CNTNAP2: variants seen among roughly 807,000 people sequenced by gnomAD.
The protein encoded by CNTNAP2 is contactin-associated protein-like 2.
CNTNAP2 carries 98 observed loss-of-function variants against 155.2 expected under a neutral mutation model. The observed-to-expected ratio is 0.63, with a 90% CI of 0.54 to 0.75. The LOEUF (loss-of-function observed/expected upper bound fraction) is 0.75. Ranked by LOEUF, CNTNAP2 falls within the 30% of genes least tolerant of loss-of-function variation. CNTNAP2 has a pLI of 0.00. For missense variants in CNTNAP2, 1,727 were observed against 1,688.1 expected, an observed-to-expected ratio of 1.02 and a Z score of -0.40; for synonymous variants, 651 against 631.2, an observed-to-expected ratio of 1.03 and a Z score of -0.47.
At chr7:148,406,556 T>C (rs1799708113) in intron 22 of CNTNAP2, among the ~76,000 whole-genome samples, 1 of 152,156 alleles carries the variant, frequency 6.6e-6, no homozygotes, top group Admixed American at 6.6e-5. Flanking sequence ...AAAGGCAGGG[T>C]AGAGAAGATT....
chr7:147,643,000 G>T (rs536945701), intron 13 of CNTNAP2, among the ~76,000 whole-genome samples: 6 of 152,268 alleles, frequency 3.9e-5, no homozygotes, highest in Admixed American at 3.3e-4. Context: ...TTTTTAGGTT[G>T]CTTGTCAAAA....
intron 8 of CNTNAP2, among the ~76,000 whole-genome samples, chr7:147,220,510 C>A (rs908526963): frequency 6.6e-6 from 1 of 152,036 alleles, no homozygotes; most frequent in African/African-American, 2.4e-5. Context: ...TAATATCTAC[C>A]AGCATACCAA....
At chr7:146,546,336 A>G (rs1798028867) in intron 1 of CNTNAP2, among the ~76,000 whole-genome samples, 2 of 152,016 alleles carry the variant, frequency 1.3e-5, no homozygotes, top group Non-Finnish European at 2.9e-5. Flanking sequence ...GTTTTCTAGA[A>G]TGCAAAGATT....
intron 10 of CNTNAP2, among the ~76,000 whole-genome samples, chr7:147,409,987 C>A (rs1797076300): frequency 6.6e-6 from 1 of 152,192 alleles, no homozygotes; most frequent in African/African-American, 2.4e-5. Flanking sequence ...TTGTGGAATA[C>A]AATGTGGTAA....
intron 1 of CNTNAP2, among the ~76,000 whole-genome samples, chr7:146,403,314 A>G (rs945042042): frequency 1.4e-4 from 22 of 152,156 alleles, no homozygotes; most frequent in African/African-American, 5.3e-4. Context: ...CATAATTATA[A>G]CTTAGACTAA....
At chr7:146,679,521 A>G (rs1444832578) in intron 1 of CNTNAP2, among the ~76,000 whole-genome samples, 1 of 151,634 alleles carries the variant, frequency 6.6e-6, no homozygotes, top group African/African-American at 2.4e-5. Flanking sequence ...ACGCCCAGCT[A>G]ATTTTTTGTA....
intron 11 of CNTNAP2, among the ~76,000 whole-genome samples, chr7:147,560,168 CAAAAAAAAAA>C (rs71183016): frequency 1.9e-5 from 1 of 52,828 alleles, no homozygotes; most frequent in Non-Finnish European, 3.4e-5. Flanking sequence ...AACTCCGTCT[CAAAAAAAAAA>C]AAAAAAAAAA....
At chr7:147,116,952 G>A (rs1220545982) in intron 5 of CNTNAP2, among the ~76,000 whole-genome samples, 1 of 152,230 alleles carries the variant, frequency 6.6e-6, no homozygotes, top group Non-Finnish European at 1.5e-5. Context: ...CGACCAAATA[G>A]CAGAGATGGT....
intron 13 of CNTNAP2, among the ~76,000 whole-genome samples, chr7:147,797,865 A>G (rs1339297731): frequency 6.6e-6 from 1 of 152,232 alleles, no homozygotes. Context: ...TAAAACAAAT[A>G]GATTAAAAAT....
At chr7:147,736,580 T>C (rs1208573933) in intron 13 of CNTNAP2, among the ~76,000 whole-genome samples, 4 of 152,228 alleles carry the variant, frequency 2.6e-5, no homozygotes, top group Admixed American at 1.3e-4. Flanking sequence ...CTTTGCTAGA[T>C]TGGGGAAGTT....
intron 9 of CNTNAP2, among the ~76,000 whole-genome samples, chr7:147,353,117 G>GTATA (rs1393432327): frequency 3.5e-4 from 53 of 150,810 alleles, no homozygotes; most frequent in African/African-American, 1.2e-3. Context: ...ACATGTATAT[G>GTATA]TATATATACA....
chr7:146,563,847 G>A (rs1584983318), intron 1 of CNTNAP2, among the ~76,000 whole-genome samples: 1 of 152,142 alleles, frequency 6.6e-6, no homozygotes. Flanking sequence ...AGGAAAGATA[G>A]TAACAGTCAA....
chr7:147,813,001 C>T (rs777021700), intron 13 of CNTNAP2, among the ~76,000 whole-genome samples: 6 of 152,066 alleles, frequency 3.9e-5, no homozygotes, highest in Admixed American at 6.5e-5. Context: ...AGTCACCTGG[C>T]TTCTATGGAG....
chr7:147,106,238 A>G lies in CNTNAP2; in HGVS notation c.551-1909A>G, dbSNP rs142895372. On this transcript the variant is annotated intron_variant, in intron 4 of 23. Transcript: ENST00000361727. ...GAAATTGACTGCAAAACTACTGTCT[A>G]GAGTTCAGAATTTACTGTCATCTGT... Among the ~76,000 whole-genome samples, 543 of 152,248 alleles carry G rather than the reference A, an allele frequency of 3.6e-3. 4 individuals carry two copies. The highest frequency in any genetic ancestry group is 0.013 in the African/African-American group (523 of 41,574).
At chr7:148,196,113 T>C (rs1795273577) in intron 18 of CNTNAP2, among the ~76,000 whole-genome samples, 1 of 152,208 alleles carries the variant, frequency 6.6e-6, no homozygotes, top group Non-Finnish European at 1.5e-5. Flanking sequence ...TTAAAGAGTT[T>C]CTAGGAGAAT....
rs76856408 is a variant in CNTNAP2 at position 147,613,862 on chromosome 7, A to G, written c.1898-25244A>G. 3.3e-5 allele frequency among the ~76,000 whole-genome samples: 5 copies of G among 152,240 alleles called. No homozygotes were observed. The South Asian group carries it at 6.2e-4, about 19-fold the overall frequency. On this transcript the variant is annotated intron_variant, in intron 12 of 23. Coordinates refer to ENST00000361727, the MANE Select transcript of CNTNAP2 (RefSeq NM_014141.6). ...CGTTTCCAATAAAAAAAGAAATAAT[A>G]GAAATGTTATTTTGTGCTTTCCTCT...
chr7:147,578,094 T>G (rs1021087352), intron 12 of CNTNAP2, among the ~76,000 whole-genome samples: 47 of 152,112 alleles, frequency 3.1e-4, no homozygotes, highest in African/African-American at 9.7e-4. Flanking sequence ...CCAAACTTGC[T>G]CAGAAAGTTT....
At chr7:146,439,818 T>C (rs1312038899) in intron 1 of CNTNAP2, among the ~76,000 whole-genome samples, 2 of 151,528 alleles carry the variant, frequency 1.3e-5, no homozygotes, top group African/African-American at 2.4e-5. Flanking sequence ...TATGAAACAA[T>C]CCCACTTTCA....
intron 2 of CNTNAP2, among the ~76,000 whole-genome samples, chr7:146,832,324 T>A (rs1162958035): frequency 6.6e-6 from 1 of 152,072 alleles, no homozygotes; most frequent in African/African-American, 2.4e-5. Context: ...AAAAATTAGT[T>A]TTTCAAATGT....
Sources: allele counts gnomAD v4.1 joint callset (sites outside exome capture counted in the v4.1 genomes callset), GRCh38; gene constraint gnomAD v4.1.1; transcripts MANE v1.5; gene names NCBI Gene and HGNC (gene_info 2026-07-23, HGNC 2026-07-21).